Variants in ZNF516 observed in about 807,000 individuals in gnomAD.
ZNF516 encodes the protein zinc finger protein 516.
A neutral mutation model predicts 79.7 loss-of-function variants in ZNF516; 19 were observed. That is an observed-to-expected ratio of 0.24 (90% CI 0.17 to 0.35). ZNF516 has a LOEUF of 0.35. Ranked by LOEUF, ZNF516 falls within the 10% of genes least tolerant of loss-of-function variation. The pLI is 1.00. For synonymous variants in ZNF516, 877 were observed against 739.5 expected, an observed-to-expected ratio of 1.19 and a Z score of -3.02; for missense variants, 1,678 against 1,679.5, an observed-to-expected ratio of 1.00 and a Z score of 0.02.
rs1424846598 is a variant in ZNF516, at chr18:76,459,722, A to G, written c.-158+3306T>C. The stretch of plus-strand genomic sequence containing the variant: ...GAGGTAGAACCGGAAGCCTCACGCT[A>G]CACCAGGCACTGCTCCTGGAGCACA... On this transcript the variant is annotated intron_variant, in intron 2 of 6. Coordinates refer to ENST00000443185, the MANE Select transcript of ZNF516 (RefSeq NM_014643.4). The surrounding 1 kb of genome is among the most constrained non-coding windows in gnomAD (Gnocchi z 5.0). Among the ~76,000 whole-genome samples, 2 of 152,184 alleles carry G rather than the reference A, an allele frequency of 1.3e-5. No individual in the cohort carries two copies. Among genetic ancestry groups the G allele is most frequent in the Non-Finnish European group, 2.9e-5 (2 of 68,032 alleles).
chr18:76,491,073 T>G, intron 1 of ZNF516: 1 of 985,068 alleles, frequency 1.0e-6, no homozygotes, highest in Non-Finnish European at 1.2e-6. Context: ...GTGTGAACAC[T>G]TATGTAATCG....
chr18:76,472,989 A>G (rs1371157321), intron 1 of ZNF516, among the ~76,000 whole-genome samples: 2 of 152,242 alleles, frequency 1.3e-5, no homozygotes, highest in African/African-American at 4.8e-5. Flanking sequence ...GGGAAAGAAG[A>G]GGAAGGTAAT....
chr18:76,492,911 G>A (rs868280821), intron 1 of ZNF516: 13 of 985,620 alleles, frequency 1.3e-5, no homozygotes, highest in Non-Finnish European at 1.6e-5. Context: ...TGTAAATGCA[G>A]AAGCCTGCGG....
At chr18:76,491,618 C>A in intron 1 of ZNF516, 3 of 548,834 alleles carry the variant, frequency 5.5e-6, no homozygotes, top group Non-Finnish European at 6.9e-6. Flanking sequence ...CCGCCCCTTC[C>A]CGCCCCGCCC....
At chr18:76,444,885 C>A (rs1911948012) in intron 2 of ZNF516, among the ~76,000 whole-genome samples, 1 of 152,198 alleles carries the variant, frequency 6.6e-6, no homozygotes, top group Non-Finnish European at 1.5e-5. Flanking sequence ...CAGGTAGAAA[C>A]CTTATCAAGA....
Position 76,358,499 on chromosome 18 carries a change from G to C in ZNF516, c.*3999C>G, listed in dbSNP as rs1040579290. 2 of 152,182 alleles carry C rather than the reference G, an allele frequency of 1.3e-5. No individual in the cohort carries two copies. Among genetic ancestry groups the C allele is most frequent in the African/African-American group, 2.4e-5 (1 of 41,432 alleles). The allele number at this position is 152,182 out of a possible 1,614,324, so 9.4% of individuals were successfully genotyped here. A position where few individuals can be genotyped will look rare whatever the true frequency, so the allele number is the denominator to read the frequency against. On this transcript the variant is annotated 3_prime_UTR_variant, in exon 7 of 7. Coordinates refer to ENST00000443185, the MANE Select transcript of ZNF516 (RefSeq NM_014643.4). ...TGGTCACTCCCACAGGCACGTTACCGGGCTCCGGCGTGTGCTCCCACCAAC... is the reference window on the plus strand; with the variant it reads ...TGGTCACTCCCACAGGCACGTTACCCGGCTCCGGCGTGTGCTCCCACCAAC...
chr18:76,391,471 C>G (rs1479743574), intron 3 of ZNF516, among the ~76,000 whole-genome samples: 1 of 152,144 alleles, frequency 6.6e-6, no homozygotes, highest in Non-Finnish European at 1.5e-5. Context: ...TAACCCCTTA[C>G]CCAACTCTAA....
Position 76,357,949 on chromosome 18 carries a change from T to C in ZNF516, c.*4549A>G, listed in dbSNP as rs968013677. ...GAAAGAAAATGAGAAAAACACAGCG[T>C]CTCCATTAAAAAACTGTATGTCCTC... is the stretch of plus-strand genomic sequence containing the variant. On this transcript the variant is annotated 3_prime_UTR_variant, in exon 7 of 7. Transcript: ENST00000443185. Among the ~76,000 whole-genome samples, 15 of 151,998 alleles carry C rather than the reference T, an allele frequency of 9.9e-5. No individual in the cohort carries two copies. Among genetic ancestry groups the C allele is most frequent in the African/African-American group, 3.6e-4 (15 of 41,366 alleles).
intron 3 of ZNF516, among the ~76,000 whole-genome samples, chr18:76,389,803 A>G (rs917377315): frequency 2.0e-5 from 3 of 152,202 alleles, no homozygotes; most frequent in East Asian, 1.9e-4. Context: ...AGGAGCGCTT[A>G]CACAGCCATC....
In ZNF516 at chr18:76,380,247, T is replaced by C. The variant is rs201694420; in HGVS notation, c.1867A>G (p.Ser623Gly). The C allele has an allele frequency of 1.7e-4, 274 of 1,613,832 alleles. No individual in the cohort carries two copies. The highest frequency in any genetic ancestry group is 2.2e-4 in the Non-Finnish European group (263 of 1,179,902). The change falls in exon 4 of 7, where the codon AGT (serine) becomes GGT (glycine). Residue 623 changes from serine to glycine, a missense_variant. Ser to Gly is a moderately conservative substitution (Grantham distance 56). This residue lies in a region of ZNF516 where 1,294 missense variants were observed against 1,248.3 expected (regional missense o/e 1.04). Coordinates refer to ENST00000443185, the MANE Select transcript of ZNF516 (RefSeq NM_014643.4). ...SEEVTSTELS[S>G]GDQSHKMGDN... Reference sequence around the variant, plus strand: ...CCCATCTTGTGACTCTGGTCTCCACTGGAGAGCTCGGTCGAAGTCACCTCT... The same window carrying C: ...CCCATCTTGTGACTCTGGTCTCCACCGGAGAGCTCGGTCGAAGTCACCTCT...
At position 76,442,467 on chromosome 18, in the gene ZNF516, C is replaced by T. The variant is rs749959793; in HGVS notation, c.588G>A (p.Ala196=). ...KKDLELHVHQ[A]HKPFKCRLCS... is the part of the protein sequence containing the mutation. ...ACAGCCTGCACTTGAACGGCTTGTGCGCCTGGTGCACGTGCAGCTCCAGGT... is the reference window on the plus strand; with the variant it reads ...ACAGCCTGCACTTGAACGGCTTGTGTGCCTGGTGCACGTGCAGCTCCAGGT... The change falls in exon 3 of 7, where the codon GCG becomes GCA. Residue 196 remains alanine, a synonymous_variant. Coordinates refer to ENST00000443185, the MANE Select transcript of ZNF516 (RefSeq NM_014643.4). 28 of 1,604,550 alleles carry T rather than the reference C, an allele frequency of 1.7e-5. No homozygotes were observed. In the African/African-American group the frequency reaches 2.8e-4, roughly 16 times the overall value.
At chr18:76,391,246 A>G (rs2075070029) in intron 3 of ZNF516, among the ~76,000 whole-genome samples, 1 of 152,156 alleles carries the variant, frequency 6.6e-6, no homozygotes, top group Non-Finnish European at 1.5e-5. Flanking sequence ...GGAGGGTACT[A>G]CCATAAGCAC....
intron 4 of ZNF516, among the ~76,000 whole-genome samples, chr18:76,377,733 T>TTTTTTTTG (rs2074811300): frequency 6.6e-6 from 1 of 150,812 alleles, no homozygotes; most frequent in Non-Finnish European, 1.5e-5. Context: ...TTTTTTTTTT[T>TTTTTTTTG]GAGATGGAGT....
intron 3 of ZNF516, among the ~76,000 whole-genome samples, chr18:76,396,279 A>AT (rs1208588325): frequency 6.6e-6 from 1 of 152,100 alleles, no homozygotes; most frequent in Non-Finnish European, 1.5e-5. Context: ...ACAAATAGGT[A>AT]TTTGTGATAT....
intron 1 of ZNF516, chr18:76,492,703 T>A: frequency 5.1e-6 from 5 of 984,352 alleles, no homozygotes; most frequent in Non-Finnish European, 6.0e-6. Context: ...ACGTTTCGAG[T>A]CCCCAGTTGC....
chr18:76,483,269 C>A (rs1015421172), intron 1 of ZNF516, among the ~76,000 whole-genome samples: 5 of 152,238 alleles, frequency 3.3e-5, no homozygotes, highest in African/African-American at 1.2e-4. Flanking sequence ...CTCAAGCCAG[C>A]CAACCTGACC....
Position 76,370,593 on chromosome 18 carries a change from C to A in ZNF516, c.3367G>T (p.Val1123Leu). The A allele has an allele frequency of 1.2e-6, 2 of 1,600,278 alleles. No individual in the cohort carries two copies. The highest frequency in any genetic ancestry group is 1.7e-6 in the Non-Finnish European group (2 of 1,172,848). The change falls in exon 6 of 7, where the codon GTG (valine) becomes TTG (leucine). Residue 1123 changes from valine (V) to leucine (L), a missense_variant and splice_region_variant. Physicochemically the swap from Val to Leu is conservative, Grantham distance 32 (BLOSUM62 1). Transcript: ENST00000443185. Reference sequence around the variant, plus strand: ...CCCCGAGGCCCATCGGACTCAAACACCACTGTGGGAACAAGGGGTTTGTTA... The same window carrying A: ...CCCCGAGGCCCATCGGACTCAAACAACACTGTGGGAACAAGGGGTTTGTTA... ...LRAHMRAHSV[V>L]FESDGPRGSE...
At chr18:76,429,223 G>A (rs1735690869) in intron 3 of ZNF516, among the ~76,000 whole-genome samples, 1 of 152,226 alleles carries the variant, frequency 6.6e-6, no homozygotes, top group Non-Finnish European at 1.5e-5. Flanking sequence ...GGCACCCAGG[G>A]CCAAGGGCCT....
At chr18:76,432,675 G>A (rs1185756909) in intron 3 of ZNF516, among the ~76,000 whole-genome samples, 3 of 152,166 alleles carry the variant, frequency 2.0e-5, no homozygotes, top group East Asian at 3.9e-4. Context: ...GCCTCCAAAG[G>A]CCATCAGGCC....
Sources: gnomAD v4.1 joint callset for allele counts (sites outside exome capture counted in the v4.1 genomes callset) on GRCh38, gnomAD v4.1.1 for gene constraint, gnomAD v4.1.1 regional missense constraint, Gnocchi (gnomAD v3.1) non-coding constraint, MANE v1.5 for transcripts, NCBI Gene and HGNC (gene_info 2026-07-23, HGNC 2026-07-21) for gene names.